The following SNX4 variants were observed in gnomAD, a reference collection of about 807,000 sequenced individuals.
SNX4 encodes the protein sorting nexin 4.
Under a neutral mutation model 70.8 loss-of-function variants are expected in SNX4, and 49 were observed. That is an observed-to-expected ratio of 0.69 (90% confidence interval 0.55 to 0.88). The LOEUF is 0.88. Ranked by LOEUF, SNX4 falls within the 40% of genes least tolerant of loss-of-function variation. SNX4 has a pLI of 0.00. For missense variants in SNX4, 528 were observed against 544.8 expected, an observed-to-expected ratio of 0.97 and a Z score of 0.31; for synonymous variants, 206 against 183.8, an observed-to-expected ratio of 1.12 and a Z score of -0.98.
Position 125,446,772 on chromosome 3 carries a change from T to C in SNX4, c.*1007A>G, listed in dbSNP as rs1933433189. The stretch of plus-strand genomic sequence containing the variant: ...GACTAGGGATTTTTTTTTACATCAT[T>C]AGAAATAACGAGTACACATTTTAAG... On this transcript the variant is annotated 3_prime_UTR_variant, in exon 14 of 14. Coordinates refer to ENST00000251775, the MANE Select transcript of SNX4 (RefSeq NM_003794.4). The C allele has an allele frequency of 4.6e-5, 7 of 152,504 alleles. No individual in the cohort carries two copies. The highest frequency in any genetic ancestry group is 4.6e-4 in the Admixed American group (7 of 15,258). The allele number at this position is 152,504 out of a possible 1,614,324, so 9.4% of individuals were successfully genotyped here.
chr3:125,498,083 A>G lies in SNX4; in HGVS notation c.375T>C (p.Val125=), dbSNP rs751578136. The change falls in exon 3 of 14, where the codon GTT becomes GTC. Residue 125 remains valine, a synonymous_variant. Transcript: ENST00000251775. ...CCCGTTTTTCTGGCAGAGGTGGCACAACAATATGTGGATAGTAAACTAAAA... is the reference window on the plus strand; with the variant it reads ...CCCGTTTTTCTGGCAGAGGTGGCACGACAATATGTGGATAGTAAACTAAAA... ...SYLLVYYPHI[V]VPPLPEKRAE... 5 of 1,614,192 alleles carry G rather than the reference A, an allele frequency of 3.1e-6. No individual in the cohort carries two copies. The highest frequency in any genetic ancestry group is 2.2e-5 in the South Asian group (2 of 91,078).
At chr3:125,489,597 A>C in intron 5 of SNX4, 134 bp from the exon 6 acceptor site, 1 of 680,564 alleles carries the variant, frequency 1.5e-6, no homozygotes, top group Non-Finnish European at 2.6e-6. Flanking sequence ...CACATTAAAC[A>C]TGCCTAAAAA....
intron 9 of SNX4, among the ~76,000 whole-genome samples, chr3:125,462,647 T>G (rs1472437566): frequency 8.6e-5 from 13 of 150,934 alleles, no homozygotes; most frequent in Admixed American, 7.9e-4. Context: ...ATACAAGGTA[T>G]TGTAATTTAA....
At chr3:125,482,266 A>C (rs1459032818) in intron 6 of SNX4, among the ~76,000 whole-genome samples, 1 of 152,210 alleles carries the variant, frequency 6.6e-6, no homozygotes, top group East Asian at 1.9e-4. Flanking sequence ...TTTAGTAGAC[A>C]TTTGTACTTG....
At chr3:125,479,745 G>C (rs1934365845) in intron 7 of SNX4, among the ~76,000 whole-genome samples, 1 of 152,070 alleles carries the variant, frequency 6.6e-6, no homozygotes, top group Non-Finnish European at 1.5e-5. Context: ...AATTTACTGA[G>C]AAGTATTTCC....
At chr3:125,482,676 C>G (rs1279692314) in intron 6 of SNX4, among the ~76,000 whole-genome samples, 1 of 152,034 alleles carries the variant, frequency 6.6e-6, no homozygotes, top group African/African-American at 2.4e-5. Flanking sequence ...AGACAAAGTT[C>G]AAACTCTGTA....
At chr3:125,513,357 A>T (rs1321247032) in intron 1 of SNX4, among the ~76,000 whole-genome samples, 1 of 152,224 alleles carries the variant, frequency 6.6e-6, no homozygotes, top group East Asian at 1.9e-4. Context: ...GCTATTGTTT[A>T]TAAGCCACTC....
chr3:125,449,917 T>C (rs1278899638), intron 13 of SNX4, among the ~76,000 whole-genome samples: 1 of 152,172 alleles, frequency 6.6e-6, no homozygotes, highest in Non-Finnish European at 1.5e-5. Flanking sequence ...ATCTGGTCTT[T>C]CAGATTTCTT....
chr3:125,488,997 C>G (rs1420701669), intron 6 of SNX4, among the ~76,000 whole-genome samples: 1 of 152,154 alleles, frequency 6.6e-6, no homozygotes, highest in Non-Finnish European at 1.5e-5. Context: ...AAGTATTTGT[C>G]ATATACCTTC....
intron 6 of SNX4, among the ~76,000 whole-genome samples, chr3:125,484,197 T>C (rs1934474780): frequency 6.6e-6 from 1 of 152,240 alleles, no homozygotes; most frequent in Non-Finnish European, 1.5e-5. Flanking sequence ...GAATCAGCCA[T>C]ATTTTCTATT....
rs60578305 is a variant in SNX4 at position 125,461,307 on chromosome 3, T to C, written c.855-447A>G. Among the ~76,000 whole-genome samples, 1,068 of 152,334 alleles carry C rather than the reference T, an allele frequency of 7.0e-3. 7 individuals carry two copies. Among genetic ancestry groups the C allele is most frequent in the African/African-American group, 0.021 (861 of 41,578 alleles). ...GATAATTTGCTACCCATCAGTGATG[T>C]TGTAAGTACAGACAGTGAGAATTAG... is the stretch of plus-strand genomic sequence containing the variant. On this transcript the variant is annotated intron_variant, in intron 9 of 13. Coordinates refer to ENST00000251775, the MANE Select transcript of SNX4 (RefSeq NM_003794.4).
rs569206518 is a variant in SNX4, at chr3:125,505,031, G to A, written c.142-287C>T. On this transcript the variant is annotated intron_variant, in intron 1 of 13. Coordinates refer to ENST00000251775, the MANE Select transcript of SNX4 (RefSeq NM_003794.4). ...GCCACCCAGGCTGAAGTGCACTGGC[G>A]CGATCTCAGCTCACTGCAACCTTCA... Among the ~76,000 whole-genome samples, 44 of 152,202 alleles carry A rather than the reference G, an allele frequency of 2.9e-4. 2 individuals are homozygous for A. The South Asian group carries it at 8.9e-3, about 31-fold the overall frequency.
intron 2 of SNX4, among the ~76,000 whole-genome samples, chr3:125,500,278 T>G (rs1462566822): frequency 6.6e-6 from 1 of 152,134 alleles, no homozygotes; most frequent in African/African-American, 2.4e-5. Context: ...GTTTTACAAA[T>G]TAAAAGAATT....
At chr3:125,485,418 C>A (rs1377329585) in intron 6 of SNX4, among the ~76,000 whole-genome samples, 1 of 152,036 alleles carries the variant, frequency 6.6e-6, no homozygotes, top group Non-Finnish European at 1.5e-5. Context: ...GTGCCTCAGC[C>A]CCCCAAGTAG....
chr3:125,459,489 T>C (rs1933819700), intron 10 of SNX4, among the ~76,000 whole-genome samples: 1 of 151,976 alleles, frequency 6.6e-6, no homozygotes, highest in Non-Finnish European at 1.5e-5. Context: ...CAGGCTGGAG[T>C]GTAATGGTGC....
In SNX4 at chr3:125,464,956, G is replaced by A. The variant is rs537239337; in HGVS notation, c.855-4096C>T. 1.1e-3 allele frequency among the ~76,000 whole-genome samples: 169 copies of A among 152,056 alleles called. 1 individual carries two copies. The highest frequency in any genetic ancestry group is 4.0e-3 in the African/African-American group (165 of 41,480). On this transcript the variant is annotated intron_variant, in intron 9 of 13. Coordinates refer to ENST00000251775, the MANE Select transcript of SNX4 (RefSeq NM_003794.4). The stretch of plus-strand genomic sequence containing the variant: ...GACAGGGATTCACCATGTTGACCAG[G>A]CTGGTCTTAAACTCCTGACCTCACA...
intron 9 of SNX4, among the ~76,000 whole-genome samples, chr3:125,466,881 G>C (rs1426708224): frequency 6.6e-6 from 1 of 151,972 alleles, no homozygotes; most frequent in African/African-American, 2.4e-5. Flanking sequence ...TCAGGAGTTT[G>C]AGACCAGCCT....
chr3:125,510,298 T>A (rs1935142745), intron 1 of SNX4, among the ~76,000 whole-genome samples: 3 of 151,200 alleles, frequency 2.0e-5, no homozygotes, highest in African/African-American at 4.9e-5. Flanking sequence ...AGTGGTGCGA[T>A]CTCACTGCAA....
intron 2 of SNX4, among the ~76,000 whole-genome samples, chr3:125,499,709 A>G (rs1934881880): frequency 6.6e-6 from 1 of 151,980 alleles, no homozygotes; most frequent in African/African-American, 2.4e-5. Context: ...GTGGATAAAT[A>G]AAGCCTATAA....
Sources: allele counts gnomAD v4.1 joint callset (sites outside exome capture counted in the v4.1 genomes callset), GRCh38; gene constraint gnomAD v4.1.1; transcripts MANE v1.5; gene names NCBI Gene and HGNC (gene_info 2026-07-23, HGNC 2026-07-21).